CTNNA3: variants seen among roughly 807,000 people sequenced by gnomAD.
The protein encoded by CTNNA3 is catenin alpha 3, also known as catenin alpha-3.
A neutral mutation model predicts 95.7 loss-of-function variants in CTNNA3; 76 were observed. The ratio of observed to expected loss-of-function variants is 0.79; its 90% CI spans 0.66 to 0.96. The LOEUF (loss-of-function observed/expected upper bound fraction) is 0.96, where lower values mean the gene tolerates loss of function less well. Among genes scored for constraint, CTNNA3 ranks in the 40% least tolerant of loss-of-function variants. The pLI, the probability that CTNNA3 is intolerant of heterozygous loss-of-function variation, is 0.00. For synonymous variants in CTNNA3, 431 were observed against 374.4 expected (o/e 1.15, Z -1.74); for missense variants, 1,191 against 1,089.8 (o/e 1.09, Z -1.31).
intron 5 of CTNNA3, among the ~76,000 whole-genome samples, chr10:67,394,545 T>C (rs1261105638): frequency 1.3e-5 from 2 of 152,128 alleles, no homozygotes; most frequent in Non-Finnish European, 2.9e-5. Context: ...ACAACATTTC[T>C]GCACAATACT....
intron 12 of CTNNA3, among the ~76,000 whole-genome samples, chr10:66,309,910 T>A (rs1452091393): frequency 2.2e-4 from 5 of 22,828 alleles, no homozygotes; most frequent in African/African-American, 7.4e-4. Flanking sequence ...ATACAAAAAA[T>A]AAATAAATAA....
chr10:66,212,035 A>T (rs1312541280), intron 13 of CTNNA3, among the ~76,000 whole-genome samples: 8 of 128,088 alleles, frequency 6.2e-5, no homozygotes, highest in East Asian at 2.3e-4. Context: ...TTTTCTCCAG[A>T]CTGGAATGCA....
intron 3 of CTNNA3, among the ~76,000 whole-genome samples, chr10:67,561,799 A>C (rs1361151579): frequency 6.6e-6 from 1 of 152,202 alleles, no homozygotes; most frequent in East Asian, 1.9e-4. Context: ...AAAAATGATA[A>C]AGGGGATATC....
rs142041161 is a variant in CTNNA3 at position 67,576,416 on chromosome 10, A to T, written c.292+30441T>A. ...GAGGCATTATTGTATAGTTGTTAAT[A>T]GTTTTCCTTACCCCCTCTACTATAA... On this transcript the variant is annotated intron_variant, in intron 3 of 17. Coordinates refer to ENST00000433211, the MANE Select transcript of CTNNA3 (RefSeq NM_013266.4). Among the ~76,000 whole-genome samples, 570 of 152,218 alleles carry T rather than the reference A, an allele frequency of 3.7e-3. 2 individuals are homozygous for T. The highest frequency in any genetic ancestry group is 0.013 in the African/African-American group (549 of 41,556).
At chr10:66,767,332 G>A (rs1839907234) in intron 8 of CTNNA3, among the ~76,000 whole-genome samples, 1 of 151,758 alleles carries the variant, frequency 6.6e-6, no homozygotes, top group Non-Finnish European at 1.5e-5. Context: ...TGTACTCCCA[G>A]CTACTTGGGT....
intron 16 of CTNNA3, among the ~76,000 whole-genome samples, chr10:65,977,745 C>T (rs1191730213): frequency 6.6e-6 from 1 of 151,952 alleles, no homozygotes; most frequent in African/African-American, 2.4e-5. Context: ...CGTGCCACTA[C>T]ACTCCAGCCT....
At chr10:65,993,908 G>A (rs145841253) in intron 15 of CTNNA3, among the ~76,000 whole-genome samples, 14 of 152,122 alleles carry the variant, frequency 9.2e-5, no homozygotes, top group Admixed American at 2.6e-4. Context: ...GTTCATTTTC[G>A]TATTTTTAGC....
At chr10:66,227,387 T>C (rs570901256) in intron 13 of CTNNA3, among the ~76,000 whole-genome samples, 6 of 152,014 alleles carry the variant, frequency 3.9e-5, no homozygotes, top group African/African-American at 1.4e-4. Flanking sequence ...TTTTTTTTTT[T>C]TCATGAGGTA....
chr10:67,632,381 C>T (rs763093606), intron 2 of CTNNA3, among the ~76,000 whole-genome samples: 14 of 151,868 alleles, frequency 9.2e-5, no homozygotes, highest in South Asian at 2.1e-4. Context: ...GGAGCCCCAA[C>T]CTCGCTGCCG....
At chr10:67,417,928 A>G (rs1845602212) in intron 5 of CTNNA3, among the ~76,000 whole-genome samples, 1 of 152,182 alleles carries the variant, frequency 6.6e-6, no homozygotes, top group Admixed American at 6.5e-5. Context: ...AACATTTTTC[A>G]TAAGAGCCCA....
intron 13 of CTNNA3, among the ~76,000 whole-genome samples, chr10:66,166,013 T>G (rs1380477270): frequency 6.6e-6 from 1 of 151,930 alleles, no homozygotes; most frequent in Non-Finnish European, 1.5e-5. Context: ...TGATCCATCC[T>G]CTTCGGCCTC....
intron 11 of CTNNA3, among the ~76,000 whole-genome samples, chr10:66,475,412 C>A (rs975928547): frequency 2.6e-5 from 4 of 151,924 alleles, no homozygotes; most frequent in Admixed American, 6.6e-5. Context: ...GGATATTAGA[C>A]CTTTCTCAGA....
At chr10:66,596,570 A>C (rs774100250) in intron 10 of CTNNA3, among the ~76,000 whole-genome samples, 1 of 152,208 alleles carries the variant, frequency 6.6e-6, no homozygotes, top group Non-Finnish European at 1.5e-5. Context: ...GAGAATATAC[A>C]AAATCTAAAT....
intron 3 of CTNNA3, among the ~76,000 whole-genome samples, chr10:67,541,920 CTT>C (rs1840695880): frequency 6.6e-6 from 1 of 152,000 alleles, no homozygotes; most frequent in Non-Finnish European, 1.5e-5. Flanking sequence ...AGAATACTGT[CTT>C]TGACTTCACA....
chr10:67,651,862 T>C (rs1209788019), intron 1 of CTNNA3, among the ~76,000 whole-genome samples: 1 of 152,220 alleles, frequency 6.6e-6, no homozygotes, highest in Non-Finnish European at 1.5e-5. Context: ...AGGTTTTTAG[T>C]TTTCCTACAG....
intron 7 of CTNNA3, among the ~76,000 whole-genome samples, chr10:66,788,078 T>C (rs1467654026): frequency 6.6e-6 from 1 of 152,208 alleles, no homozygotes; most frequent in Non-Finnish European, 1.5e-5. Flanking sequence ...ACATCTATGT[T>C]TCATTATTAA....
At chr10:66,642,548 T>C (rs1383579029) in intron 9 of CTNNA3, among the ~76,000 whole-genome samples, 1 of 152,144 alleles carries the variant, frequency 6.6e-6, no homozygotes, top group Non-Finnish European at 1.5e-5. Flanking sequence ...GTACTATAAC[T>C]GCTATACAAG....
intron 11 of CTNNA3, among the ~76,000 whole-genome samples, chr10:66,428,450 A>AT (rs2093263423): frequency 6.6e-6 from 1 of 152,206 alleles, no homozygotes; most frequent in Non-Finnish European, 1.5e-5. Flanking sequence ...CAGAATATAC[A>AT]TTCTTTTCAG....
intron 7 of CTNNA3, among the ~76,000 whole-genome samples, chr10:66,839,658 G>A (rs1180974981): frequency 6.6e-6 from 1 of 151,962 alleles, no homozygotes; most frequent in Non-Finnish European, 1.5e-5. Context: ...AAAGCACTTA[G>A]GATGAATATT....
Sources: allele counts gnomAD v4.1 joint callset (sites outside exome capture counted in the v4.1 genomes callset), GRCh38; gene constraint gnomAD v4.1.1; transcripts MANE v1.5; gene names NCBI Gene and HGNC (gene_info 2026-07-23, HGNC 2026-07-21).